The following PCSK2 variants were observed in gnomAD, a reference collection of about 807,000 sequenced individuals.
PCSK2 encodes the protein proprotein convertase subtilisin/kexin type 2, also known as neuroendocrine convertase 2.
Under a neutral mutation model 69.7 loss-of-function variants are expected in PCSK2, and 14 were observed. The observed-to-expected ratio is 0.20, with a 90% CI of 0.13 to 0.31. The LOEUF is 0.31. PCSK2 is among the 10% of genes least tolerant of loss of function. The pLI, the probability that PCSK2 is intolerant of heterozygous loss-of-function variation, is 1.00. For synonymous variants in PCSK2, 307 were observed against 320.7 expected, an observed-to-expected ratio of 0.96 and a Z score of 0.46; for missense variants, 544 against 842.5, an observed-to-expected ratio of 0.65 and a Z score of 4.39.
At chr20:17,461,663 T>C (rs530731950) in intron 10 of PCSK2, among the ~76,000 whole-genome samples, 1 of 152,368 alleles carries the variant, frequency 6.6e-6, no homozygotes, top group Non-Finnish European at 1.5e-5. Context: ...AAATTACTTT[T>C]GCTGCCTTGA....
At chr20:17,472,495 T>C (rs1024971725) in intron 11 of PCSK2, among the ~76,000 whole-genome samples, 2 of 152,252 alleles carry the variant, frequency 1.3e-5, no homozygotes, top group Admixed American at 1.3e-4. Context: ...AGCAGGCATC[T>C]TGGGCACTTG....
intron 5 of PCSK2, among the ~76,000 whole-genome samples, chr20:17,397,455 C>T (rs948043028): frequency 2.6e-5 from 4 of 151,240 alleles, no homozygotes; most frequent in Non-Finnish European, 5.9e-5. Flanking sequence ...TCCAGCAGCC[C>T]TCAACTACCA....
chr20:17,454,025 G>A, intron 9 of PCSK2, 68 bp downstream of exon 9: 1 of 1,592,666 alleles, frequency 6.3e-7, no homozygotes, highest in Non-Finnish European at 8.5e-7. Flanking sequence ...GTGGGATGCT[G>A]GGACACTGGC....
At chr20:17,361,176 C>T (rs748948971) in intron 4 of PCSK2, among the ~76,000 whole-genome samples, 2 of 152,148 alleles carry the variant, frequency 1.3e-5, no homozygotes, top group Non-Finnish European at 2.9e-5. Context: ...GTTACATTAG[C>T]GTGACTCTAC....
intron 2 of PCSK2, among the ~76,000 whole-genome samples, chr20:17,261,562 G>T (rs1987386589): frequency 6.6e-6 from 1 of 152,174 alleles, no homozygotes; most frequent in African/African-American, 2.4e-5. Context: ...AGCTGCCTGT[G>T]CTGCCAGCCA....
intron 5 of PCSK2, among the ~76,000 whole-genome samples, chr20:17,405,785 C>T (rs1274860979): frequency 6.6e-6 from 1 of 152,010 alleles, no homozygotes; most frequent in East Asian, 1.9e-4. Flanking sequence ...GGGTTTTTTT[C>T]CCCTGTGCAT....
At chr20:17,329,313 C>T (rs1990150116) in intron 2 of PCSK2, among the ~76,000 whole-genome samples, 1 of 152,142 alleles carries the variant, frequency 6.6e-6, no homozygotes, top group South Asian at 2.1e-4. Context: ...TGTTCTACCA[C>T]TAAAAAGAGG....
In PCSK2 at chr20:17,481,627, G is replaced by A. The variant is rs746057364; in HGVS notation, c.1474G>A (p.Asp492Asn). The A allele has an allele frequency of 6.2e-6, 10 of 1,613,822 alleles. No homozygotes were observed. The highest frequency in any genetic ancestry group is 2.2e-5 in the East Asian group (1 of 44,872). The change falls in exon 12 of 12, where the codon GAC becomes AAC. Residue 492 changes from aspartate (D) to asparagine (N), a missense_variant. Around this residue, in one of 3 missense-constraint regions of PCSK2, gnomAD observed 200 missense variants for 287.8 expected, o/e 0.69. Transcript: ENST00000262545. ...TGKLVLTLTT[D>N]ACEGKENFVR... is the part of the protein sequence containing the mutation. The stretch of plus-strand genomic sequence containing the variant: ...CAAGTTGGTGCTGACACTCACAACC[G>A]ACGCCTGTGAGGGGAAGGAAAATTT...
At chr20:17,479,498 T>C in intron 11 of PCSK2, 1 of 434,788 alleles carries the variant, frequency 2.3e-6, no homozygotes, top group Admixed American at 3.5e-5. Context: ...TGGTCTTATT[T>C]AACCACACAA....
At chr20:17,409,123 C>A in intron 5 of PCSK2, 140 bp from the exon 6 acceptor site, 1 of 657,760 alleles carries the variant, frequency 1.5e-6, no homozygotes, top group Admixed American at 2.5e-5. Context: ...GGCTCCAACA[C>A]AATTTTGTGA....
intron 2 of PCSK2, among the ~76,000 whole-genome samples, chr20:17,288,805 G>A (rs1326860606): frequency 2.6e-5 from 4 of 152,176 alleles, no homozygotes; most frequent in Admixed American, 6.6e-5. Flanking sequence ...CTCCAGAATC[G>A]TGAGAAAATA....
chr20:17,260,008 G>C (rs1489370753), intron 1 of PCSK2, among the ~76,000 whole-genome samples: 3 of 152,074 alleles, frequency 2.0e-5, no homozygotes, highest in Non-Finnish European at 4.4e-5. Context: ...AAGAATAGAA[G>C]GTATTTGGGG....
chr20:17,383,059 G>C (rs541158660), intron 5 of PCSK2, among the ~76,000 whole-genome samples: 1 of 152,322 alleles, frequency 6.6e-6, no homozygotes, highest in Non-Finnish European at 1.5e-5. Flanking sequence ...AGGCCACGGG[G>C]ATCTGACCTG....
chr20:17,423,046 A>G (rs928439563), intron 6 of PCSK2, among the ~76,000 whole-genome samples: 8 of 152,196 alleles, frequency 5.3e-5, no homozygotes, highest in Non-Finnish European at 1.0e-4. Flanking sequence ...TGATCATGAC[A>G]TAGGGACTGA....
intron 5 of PCSK2, among the ~76,000 whole-genome samples, chr20:17,376,007 C>A (rs1353925695): frequency 6.6e-6 from 1 of 152,216 alleles, no homozygotes; most frequent in African/African-American, 2.4e-5. Flanking sequence ...AGTTTGGAGC[C>A]TAGGCCTTAA....
intron 2 of PCSK2, among the ~76,000 whole-genome samples, chr20:17,322,348 G>A (rs558219420): frequency 1.3e-5 from 2 of 152,252 alleles, no homozygotes; most frequent in Admixed American, 6.5e-5. Context: ...ATCTTGATAA[G>A]TAAGCTGTTT....
intron 2 of PCSK2, among the ~76,000 whole-genome samples, chr20:17,277,473 A>C (rs1306735910): frequency 2.6e-5 from 4 of 152,230 alleles, no homozygotes; most frequent in Non-Finnish European, 5.9e-5. Context: ...TGGGGAAAGG[A>C]TTCCCGATTT....
chr20:17,248,444 C>G (rs1986850270), intron 1 of PCSK2, among the ~76,000 whole-genome samples: 2 of 152,150 alleles, frequency 1.3e-5, no homozygotes, highest in African/African-American at 4.8e-5. Context: ...CACATAGCAT[C>G]TGTCTTTCTC....
At chr20:17,273,382 G>T (rs1283161555) in intron 2 of PCSK2, among the ~76,000 whole-genome samples, 1 of 152,018 alleles carries the variant, frequency 6.6e-6, no homozygotes, top group African/African-American at 2.4e-5. Context: ...GAAATAAATT[G>T]CCTTAATTTT....
Sources: gnomAD v4.1 joint callset for allele counts (sites outside exome capture counted in the v4.1 genomes callset) on GRCh38, gnomAD v4.1.1 for gene constraint, gnomAD v4.1.1 regional missense constraint, MANE v1.5 for transcripts, NCBI Gene and HGNC (gene_info 2026-07-23, HGNC 2026-07-21) for gene names.